The following TRIM37 variants were observed in gnomAD, a reference collection of about 807,000 sequenced individuals.
The protein encoded by TRIM37 is tripartite motif containing 37, also known as E3 ubiquitin-protein ligase TRIM37.
TRIM37 carries 80 observed loss-of-function variants against 129.8 expected under a neutral mutation model. That is an observed-to-expected ratio of 0.62 (90% CI 0.51 to 0.74). The LOEUF (loss-of-function observed/expected upper bound fraction) is 0.74. Among genes scored for constraint, TRIM37 ranks in the 30% least tolerant of loss-of-function variants. TRIM37 has a pLI of 0.00. For missense variants in TRIM37, 1,054 were observed against 1,176.5 expected (o/e 0.90, Z 1.52); for synonymous variants, 389 against 387.1 (o/e 1.00, Z -0.06).
Position 59,059,857 on chromosome 17 carries a change from A to C in TRIM37, c.1019+1175T>G, listed in dbSNP as rs192669147. 1.4e-4 allele frequency among the ~76,000 whole-genome samples: 22 copies of C among 152,294 alleles called. No individual in the cohort carries two copies. In the East Asian group the frequency reaches 4.2e-3, roughly 29 times the overall value. On this transcript the variant is annotated intron_variant, in intron 12 of 23. Transcript: ENST00000262294. ...CAAAAACTTCCTTAGTGTTATACCC[A>C]ATCAGTGACCCATGAATTATAAATT... is the stretch of plus-strand genomic sequence containing the variant.
chr17:59,041,106 C>T (rs2039105199), intron 17 of TRIM37, among the ~76,000 whole-genome samples: 1 of 151,166 alleles, frequency 6.6e-6, no homozygotes. Flanking sequence ...ATGGGTAAAA[C>T]AGAAACAGTA....
In TRIM37 at chr17:59,017,316, T is replaced by C; in HGVS notation, c.2366A>G (p.Asp789Gly). ...TTTACCTTCAGACAGAGTCTGACAG[T>C]CTCCCTTTGAACGACTATTTTCTCC... ...DPGENSRSKG[D>G]CQTLSEGSPG... Residue 789 changes from aspartate (D) to glycine (G), a missense_variant, in exon 20 of 24, where the codon GAC becomes GGC. Transcript: ENST00000262294. 1 of 1,614,154 alleles carries C rather than the reference T, an allele frequency of 6.2e-7. No homozygotes were observed. Among genetic ancestry groups the C allele is most frequent in the Non-Finnish European group, 8.5e-7 (1 of 1,180,010 alleles).
downstream of TRIM37, chr17:58,981,082 T>C (rs1428541597): frequency 7.8e-7 from 1 of 1,289,936 alleles, no homozygotes; most frequent in Non-Finnish European, 1.1e-6. Flanking sequence ...AATACCACTA[T>C]CAGAGTAGAA....
At chr17:58,987,609 A>G (rs1239778272) in intron 24 of TRIM37, among the ~76,000 whole-genome samples, 2 of 152,364 alleles carry the variant, frequency 1.3e-5, no homozygotes, top group South Asian at 4.1e-4. Flanking sequence ...CTATAAATCT[A>G]GACTATGAAG....
At chr17:59,016,526 G>A (rs1464657132) in intron 20 of TRIM37, among the ~76,000 whole-genome samples, 5 of 146,920 alleles carry the variant, frequency 3.4e-5, no homozygotes, top group Admixed American at 2.1e-4. Flanking sequence ...ACTTTGGGAG[G>A]CTGAGACAGG....
intron 1 of TRIM37, among the ~76,000 whole-genome samples, chr17:59,106,093 A>T (rs1274828058): frequency 6.6e-6 from 1 of 152,186 alleles, no homozygotes; most frequent in Admixed American, 6.5e-5. Context: ...CAGCTCAAGA[A>T]CTCGCAAGGA....
intron 2 of TRIM37, among the ~76,000 whole-genome samples, chr17:59,098,722 TA>T (rs917123398): frequency 2.8e-5 from 4 of 144,204 alleles, no homozygotes; most frequent in Middle Eastern, 3.2e-3. Flanking sequence ...TTACCACAAT[TA>T]AAAAAAAATT....
chr17:59,070,744 A>G, intron 9 of TRIM37, 79 bp downstream of exon 9: 1 of 1,506,386 alleles, frequency 6.6e-7, no homozygotes, highest in Non-Finnish European at 9.1e-7. Context: ...GCATTAAAAA[A>G]AAAAACATTC....
chr17:58,972,387 GT>G, the TRIM37 span: 3 of 1,191,662 alleles, frequency 2.5e-6, no homozygotes, highest in East Asian at 7.7e-5. Context: ...GTTTCACTCT[GT>G]TGCCCAGGCT....
intron 21 of TRIM37, among the ~76,000 whole-genome samples, chr17:59,014,329 A>G (rs942082858): frequency 2.0e-5 from 3 of 152,204 alleles, no homozygotes; most frequent in Non-Finnish European, 4.4e-5. Context: ...GAACTATTTC[A>G]TTGTTTAAAT....
downstream of TRIM37, chr17:58,980,507 A>G (rs1321223144): frequency 6.2e-7 from 1 of 1,614,236 alleles, no homozygotes; most frequent in Admixed American, 1.7e-5. The surrounding 1 kb of genome is among the most constrained non-coding windows in gnomAD (Gnocchi z 4.7). Context: ...CAAACCTCAC[A>G]GTGCCCAGTT....
At position 59,088,416 on chromosome 17, in the gene TRIM37, A is replaced by G; in HGVS notation, c.165-9T>C. On this transcript the variant is annotated splice_polypyrimidine_tract_variant and intron_variant, in intron 3 of 23. Transcript: ENST00000262294. Reference sequence around the variant, plus strand: ...GTAGCTGGAGTGGAGCACTGGGGAGAAAATCCATACACATACACTAATTCA... The same window carrying G: ...GTAGCTGGAGTGGAGCACTGGGGAGGAAATCCATACACATACACTAATTCA... 3 of 1,500,520 alleles carry G rather than the reference A, an allele frequency of 2.0e-6. No homozygotes were observed. The highest frequency in any genetic ancestry group is 9.3e-7 in the Non-Finnish European group (1 of 1,076,516). 93.0% of individuals were successfully genotyped at this position (1,500,520 alleles called of 1,614,324 possible). A position where few individuals can be genotyped will look rare whatever the true frequency, so the allele number is the denominator to read the frequency against.
In TRIM37 at chr17:58,998,734, A is replaced by C. The variant is rs1175148112; in HGVS notation, c.*643T>G. The C allele has an allele frequency of 2.0e-6, 2 of 985,584 alleles. No individual in the cohort carries two copies. Among genetic ancestry groups the C allele is most frequent in the East Asian group, 2.3e-4 (2 of 8,838 alleles). The allele number at this position is 985,584 out of a possible 1,614,324, so 61.1% of individuals were successfully genotyped here. On this transcript the variant is annotated 3_prime_UTR_variant, in exon 24 of 24. Transcript: ENST00000262294. ...AATGAATCCATGTTAACTTAATTTC[A>C]TTTAAAATTACATTTGTAGAAGTCA...
downstream of TRIM37, among the ~76,000 whole-genome samples, chr17:58,996,009 A>AT (rs2032951181): frequency 6.6e-6 from 1 of 152,094 alleles, no homozygotes. Flanking sequence ...TTCCAAAAAA[A>AT]AATAATAATA....
At chr17:59,016,583 CA>C (rs2035970542) in intron 20 of TRIM37, among the ~76,000 whole-genome samples, 1 of 91,974 alleles carries the variant, frequency 1.1e-5, no homozygotes, top group Non-Finnish European at 1.9e-5. Context: ...GACAATGTAG[CA>C]AAACCCTGTC....
intron 16 of TRIM37, among the ~76,000 whole-genome samples, chr17:59,042,705 G>C (rs1403971147): frequency 6.6e-6 from 1 of 151,502 alleles, no homozygotes; most frequent in Non-Finnish European, 1.5e-5. Context: ...GGAGGTTGTA[G>C]TGAGCCAAGA....
downstream of TRIM37, chr17:58,980,563 A>T (rs1335729426): frequency 1.2e-6 from 2 of 1,614,206 alleles, no homozygotes; most frequent in African/African-American, 2.7e-5. This position sits in a 1 kb window ranked among gnomAD's most constrained non-coding sequence, Gnocchi z 4.7. Context: ...CAAAGAAAGC[A>T]AATCTTATTA....
chr17:59,044,386 C>T (rs779573195), intron 16 of TRIM37, among the ~76,000 whole-genome samples: 1 of 151,966 alleles, frequency 6.6e-6, no homozygotes, highest in African/African-American at 2.4e-5. Context: ...CATTGCAAAA[C>T]CCTGTCTCTA....
At chr17:59,012,909 T>C (rs1316235654) in intron 21 of TRIM37, among the ~76,000 whole-genome samples, 1 of 151,850 alleles carries the variant, frequency 6.6e-6, no homozygotes, top group African/African-American at 2.4e-5. Flanking sequence ...CACTAAATAT[T>C]CACAAAAAAA....
Sources: allele counts gnomAD v4.1 joint callset (sites outside exome capture counted in the v4.1 genomes callset), GRCh38; gene constraint gnomAD v4.1.1; non-coding constraint Gnocchi (gnomAD v3.1); transcripts MANE v1.5; gene names NCBI Gene and HGNC (gene_info 2026-07-23, HGNC 2026-07-21).